The following SURF4 variants were observed in gnomAD, a reference collection of about 807,000 sequenced individuals.
SURF4 encodes the protein surfeit locus protein 4.
A neutral mutation model predicts 30.0 loss-of-function variants in SURF4; 3 were observed. That is an observed-to-expected ratio of 0.10 (90% CI 0.05 to 0.26). SURF4 has a LOEUF of 0.26. Ranked by LOEUF, SURF4 falls within the 10% of genes least tolerant of loss-of-function variation. The pLI, the probability that SURF4 is intolerant of heterozygous loss-of-function variation, is 1.00. For missense variants in SURF4, 217 were observed against 350.8 expected (o/e 0.62, Z 3.05); for synonymous variants, 143 against 139.9 (o/e 1.02, Z -0.16).
At chr9:133,370,798 A>C in intron 1 of SURF4, 1 of 1,107,692 alleles carries the variant, frequency 9.0e-7, no homozygotes, top group Non-Finnish European at 1.2e-6. Context: ...CCTCCCCCCC[A>C]TTAGAGAACT....
At chr9:133,364,022 C>T (rs1837006242) in intron 5 of SURF4, 1 of 688,406 alleles carries the variant, frequency 1.5e-6, no homozygotes, top group Non-Finnish European at 2.7e-6. Flanking sequence ...CAAGATGAAT[C>T]TCTAATCCAT....
Position 133,367,415 on chromosome 9 carries a change from G to A in SURF4, c.79C>T (p.His27Tyr). 1 of 1,614,042 alleles carries A rather than the reference G, an allele frequency of 6.2e-7. No homozygotes were observed. Among genetic ancestry groups the A allele is most frequent in the Non-Finnish European group, 8.5e-7 (1 of 1,180,046 alleles). ...FLRVTKQYLP[H>Y]VARLCLISTF... ...CTGATCAGACAGAGGCGCGCCACGT[G>A]GGGCAGGTACTGCTTTGTGACACGG... Residue 27 changes from histidine (H) to tyrosine (Y), a missense_variant, in exon 2 of 6, where the codon CAC becomes TAC. Coordinates refer to ENST00000371989, the MANE Select transcript of SURF4 (RefSeq NM_033161.4).
At chr9:133,369,071 G>C (rs1564365638) in intron 1 of SURF4, among the ~76,000 whole-genome samples, 3 of 152,196 alleles carry the variant, frequency 2.0e-5, no homozygotes, top group Non-Finnish European at 2.9e-5. Context: ...CCACGCCCCT[G>C]GGTGTTCAGG....
intron 5 of SURF4, among the ~76,000 whole-genome samples, chr9:133,364,173 AGCTCCTGGAG>A: frequency 6.6e-6 from 1 of 152,300 alleles, no homozygotes; most frequent in East Asian, 1.9e-4. Flanking sequence ...GTGCTCTGGA[AGCTCCTGGAG>A]GCCTGCCCCT....
At chr9:133,373,000 G>A (rs2130201907) in intron 1 of SURF4, among the ~76,000 whole-genome samples, 4 of 152,154 alleles carry the variant, frequency 2.6e-5, no homozygotes, top group Admixed American at 6.5e-5. Context: ...ATCTGACGGC[G>A]GCAGCCTGCG....
intron 1 of SURF4, among the ~76,000 whole-genome samples, chr9:133,374,586 T>A (rs1184377471): frequency 3.3e-5 from 5 of 150,588 alleles, no homozygotes; most frequent in Admixed American, 6.6e-5. Flanking sequence ...TAAATAAAAA[T>A]AAATAAACAA....
upstream of SURF4, among the ~76,000 whole-genome samples, chr9:133,376,853 C>T (rs1023010978): frequency 1.3e-5 from 2 of 152,198 alleles, no homozygotes; most frequent in Admixed American, 6.5e-5. Context: ...GCGCTTGGGT[C>T]CACCGAGGCA....
chr9:133,365,476 A>AG (rs1356089714), intron 4 of SURF4, among the ~76,000 whole-genome samples: 4 of 152,158 alleles, frequency 2.6e-5, no homozygotes, highest in Non-Finnish European at 5.9e-5. Context: ...CAATTTAGAC[A>AG]GGGGGGTCCA....
At chr9:133,375,369 A>G (rs1246880847) in intron 1 of SURF4, 3 of 985,542 alleles carry the variant, frequency 3.0e-6, no homozygotes, top group African/African-American at 1.7e-5. Flanking sequence ...GGTCAAAGGG[A>G]CCCCAAGAGT....
chr9:133,375,327 C>A, intron 1 of SURF4: 1 of 984,190 alleles, frequency 1.0e-6, no homozygotes, highest in Non-Finnish European at 1.2e-6. Context: ...CAGCCCAGGG[C>A]AGAGTCCAAA....
chr9:133,375,413 G>A (rs1413716902), intron 1 of SURF4: 28 of 985,684 alleles, frequency 2.8e-5, no homozygotes, highest in Non-Finnish European at 3.3e-5. Context: ...AGGAAAAGGT[G>A]CTGTGGCTTC....
rs2130243634 is a variant in SURF4, at chr9:133,375,975, C to T, written c.-6G>A. 8.1e-7 allele frequency: 1 copy of T among 1,229,094 alleles called. No individual in the cohort carries two copies. 76.1% of individuals were successfully genotyped at this position (1,229,094 alleles called of 1,614,324 possible). Reference sequence around the variant, plus strand: ...ATCAGGTCGTTCTGGCCCATGGCGACGGCGGGAGGCTCGGCTCGGCTCGCT... The same window carrying T: ...ATCAGGTCGTTCTGGCCCATGGCGATGGCGGGAGGCTCGGCTCGGCTCGCT... On this transcript the variant is annotated 5_prime_UTR_variant, in exon 1 of 6. Coordinates refer to ENST00000371989, the MANE Select transcript of SURF4 (RefSeq NM_033161.4).
chr9:133,372,053 A>G (rs1179650623), intron 1 of SURF4, among the ~76,000 whole-genome samples: 1 of 152,218 alleles, frequency 6.6e-6, no homozygotes, highest in Non-Finnish European at 1.5e-5. Context: ...CTAATAGGCA[A>G]TGAGGAGCAG....
At chr9:133,374,996 G>A (rs1052722659) in intron 1 of SURF4, among the ~76,000 whole-genome samples, 2 of 152,188 alleles carry the variant, frequency 1.3e-5, no homozygotes, top group African/African-American at 4.8e-5. Flanking sequence ...TCTCCCTGCG[G>A]GGATAAGGCT....
At chr9:133,373,559 C>T (rs1250699602) in intron 1 of SURF4, among the ~76,000 whole-genome samples, 2 of 151,424 alleles carry the variant, frequency 1.3e-5, no homozygotes, top group African/African-American at 2.4e-5. Flanking sequence ...GATGAGATTG[C>T]GCCACTGCAC....
chr9:133,361,603 T>C lies in SURF4; in HGVS notation c.*1890A>G, dbSNP rs1238695382. The C allele has an allele frequency of 6.4e-6, 1 of 156,418 alleles. No individual in the cohort carries two copies. The highest frequency in any genetic ancestry group is 1.9e-4 in the East Asian group (1 of 5,334). The allele number at this position is 156,418 out of a possible 1,614,324, so 9.7% of individuals were successfully genotyped here. ...AGCAAAAAAATCTTAGAAATTGTTT[T>C]GCCAGAATCAATTGGTAGATCCCAC... On this transcript the variant is annotated 3_prime_UTR_variant, in exon 6 of 6. Transcript: ENST00000371989.
At position 133,365,013 on chromosome 9, in the gene SURF4, C is replaced by T; in HGVS notation, c.370G>A (p.Gly124Arg). 1 of 1,569,342 alleles carries T rather than the reference C, an allele frequency of 6.4e-7. No individual in the cohort carries two copies. The highest frequency in any genetic ancestry group is 8.7e-7 in the Non-Finnish European group (1 of 1,154,918). ...GCTAGGAGCAGCAACAGGCCTCCTCCCAGGGCCAGGTTCCTGAGGAACAGA... is the reference window on the plus strand; with the variant it reads ...GCTAGGAGCAGCAACAGGCCTCCTCTCAGGGCCAGGTTCCTGAGGAACAGA... ...LKFLMRNLALGGGLLLLLAES... is the reference protein window; with the variant it reads ...LKFLMRNLALRGGLLLLLAES... The change falls in exon 5 of 6, where the codon GGA becomes AGA. Residue 124 changes from glycine to arginine, a missense_variant. By Grantham distance (125) the Gly-to-Arg change is moderately radical. Transcript: ENST00000371989.
At chr9:133,377,746 A>G (rs1173516547), upstream of SURF4, among the ~76,000 whole-genome samples, 4 of 152,122 alleles carry the variant, frequency 2.6e-5, no homozygotes, top group African/African-American at 9.7e-5. Flanking sequence ...CCACAGATGG[A>G]GGCGGGAGGA....
At position 133,363,942 on chromosome 9, in the gene SURF4, G is replaced by T. The variant is rs1837000076; in HGVS notation, c.544-183C>A. On this transcript the variant is annotated intron_variant, in intron 5 of 5. Coordinates refer to ENST00000371989, the MANE Select transcript of SURF4 (RefSeq NM_033161.4). This position sits in a 1 kb window ranked among gnomAD's most constrained non-coding sequence, Gnocchi z 4.3. ...CCAAAGGGAGGCAGGAGGCAATAAA[G>T]CACCAGCTTTGAAATGTGGAAGGTT... 2.6e-6 allele frequency: 2 copies of T among 772,132 alleles called. No individual in the cohort carries two copies. The highest frequency in any genetic ancestry group is 2.7e-5 in the East Asian group (1 of 37,536). 47.8% of individuals were successfully genotyped at this position (772,132 alleles called of 1,614,324 possible). A position where few individuals can be genotyped will look rare whatever the true frequency, so the allele number is the denominator to read the frequency against.
Sources: gnomAD v4.1 joint callset for allele counts (sites outside exome capture counted in the v4.1 genomes callset) on GRCh38, gnomAD v4.1.1 for gene constraint, Gnocchi (gnomAD v3.1) non-coding constraint, MANE v1.5 for transcripts, NCBI Gene and HGNC (gene_info 2026-07-23, HGNC 2026-07-21) for gene names.